Variants in NHEJ1 observed in about 807,000 individuals in gnomAD.
NHEJ1 encodes the protein non-homologous end joining factor 1, also known as non-homologous end-joining factor 1.
A neutral mutation model predicts 39.4 loss-of-function variants in NHEJ1; 22 were observed. The observed-to-expected ratio is 0.56, with a 90% CI of 0.40 to 0.80. The LOEUF (loss-of-function observed/expected upper bound fraction) is 0.80. Among genes scored for constraint, NHEJ1 ranks in the 30% least tolerant of loss-of-function variants. NHEJ1 has a pLI of 0.00. For synonymous variants in NHEJ1, 154 were observed against 135.6 expected (o/e 1.14, Z -0.94); for missense variants, 329 against 357.1 (o/e 0.92, Z 0.63).
intron 3 of NHEJ1, among the ~76,000 whole-genome samples, chr2:219,153,701 G>T (rs886073913): frequency 4.6e-5 from 6 of 130,572 alleles, no homozygotes; most frequent in Non-Finnish European, 1.0e-4. Context: ...AAGGGGGGGG[G>T]GGTGGAGAGA....
At chr2:219,144,414 A>G (rs1481810258) in intron 5 of NHEJ1, among the ~76,000 whole-genome samples, 3 of 152,134 alleles carry the variant, frequency 2.0e-5, no homozygotes, top group African/African-American at 2.4e-5. Flanking sequence ...TTACAATGTT[A>G]TAAGTGGTAA....
In NHEJ1 at chr2:219,077,369, A is replaced by T; in HGVS notation, c.707-5T>A. On this transcript the variant is annotated splice_region_variant and splice_polypyrimidine_tract_variant and intron_variant, in intron 6 of 7. Transcript: ENST00000356853. ...TGTTTGAGGTATGAGGATCTCCTGA[A>T]ATCAGAAAGATCAAGAGAAGATAGT... 6.3e-7 allele frequency: 1 copy of T among 1,596,252 alleles called. No individual in the cohort carries two copies.
intron 5 of NHEJ1, among the ~76,000 whole-genome samples, chr2:219,085,348 C>G (rs1312857279): frequency 6.6e-6 from 1 of 152,322 alleles, no homozygotes; most frequent in Non-Finnish European, 1.5e-5. Flanking sequence ...GATACGGGGT[C>G]TCTCTCTTTG....
intron 3 of NHEJ1, among the ~76,000 whole-genome samples, chr2:219,154,188 A>C (rs1247733153): frequency 6.6e-6 from 1 of 152,196 alleles, no homozygotes; most frequent in Non-Finnish European, 1.5e-5. Flanking sequence ...CATCAAGTGA[A>C]GCAGTGGGTA....
rs1439164243 is a variant in NHEJ1, at chr2:219,074,992, G to C, written c.*1389C>G. On this transcript the variant is annotated 3_prime_UTR_variant, in exon 8 of 8. Coordinates refer to ENST00000356853, the MANE Select transcript of NHEJ1 (RefSeq NM_024782.3). The stretch of plus-strand genomic sequence containing the variant: ...AGCTCCTTCCTTGAAGAGCCCCTGG[G>C]GAGCAGACATCCTATTGAAAAGAGG... Among the ~76,000 whole-genome samples, 2 of 152,174 alleles carry C rather than the reference G, an allele frequency of 1.3e-5. No homozygotes were observed. Among genetic ancestry groups the C allele is most frequent in the African/African-American group, 4.8e-5 (2 of 41,436 alleles).
At chr2:219,091,742 T>C (rs1246787225) in intron 5 of NHEJ1, among the ~76,000 whole-genome samples, 3 of 152,186 alleles carry the variant, frequency 2.0e-5, no homozygotes, top group Non-Finnish European at 4.4e-5. Context: ...GACTGGGAGA[T>C]AACAAAATTC....
At chr2:219,089,431 C>T (rs1390126042) in intron 5 of NHEJ1, among the ~76,000 whole-genome samples, 1 of 152,248 alleles carries the variant, frequency 6.6e-6, no homozygotes, top group Admixed American at 6.5e-5. Flanking sequence ...TACTGATATT[C>T]GCTTTAATAC....
Position 219,073,548 on chromosome 2 carries a change from C to A in NHEJ1, c.*2833G>T, listed in dbSNP as rs4547519. 6.6e-6 allele frequency among the ~76,000 whole-genome samples: 1 copy of A among 152,070 alleles called. No homozygotes were observed. The highest frequency in any genetic ancestry group is 2.4e-5 in the African/African-American group (1 of 41,422). On this transcript the variant is annotated 3_prime_UTR_variant, in exon 8 of 8. Coordinates refer to ENST00000356853, the MANE Select transcript of NHEJ1 (RefSeq NM_024782.3). ...TCCTAGCTAACTATGGGGGACCAGC[C>A]GGCAAGGCCAAGTAGGCCTTGCAAT...
chr2:219,101,892 A>AT (rs1171850287), intron 5 of NHEJ1, among the ~76,000 whole-genome samples: 1 of 150,902 alleles, frequency 6.6e-6, no homozygotes, highest in Non-Finnish European at 1.5e-5. Context: ...CGTCCAGCTA[A>AT]TTTTTTGTAT....
At chr2:219,129,937 C>T (rs1949561949) in intron 5 of NHEJ1, among the ~76,000 whole-genome samples, 1 of 151,220 alleles carries the variant, frequency 6.6e-6, no homozygotes, top group Non-Finnish European at 1.5e-5. Context: ...ATCTCTTTTT[C>T]CCTTTTCCCC....
chr2:219,123,757 T>C (rs925357570), intron 5 of NHEJ1, among the ~76,000 whole-genome samples: 58 of 152,062 alleles, frequency 3.8e-4, no homozygotes, highest in Non-Finnish European at 7.4e-5. Flanking sequence ...CCTGAAAAGC[T>C]GATCCGACCC....
At chr2:219,145,799 G>A (rs1949733699) in intron 5 of NHEJ1, among the ~76,000 whole-genome samples, 2 of 152,064 alleles carry the variant, frequency 1.3e-5, no homozygotes, top group South Asian at 4.1e-4. Context: ...GGGTGTGGTG[G>A]CACATGCCTG....
intron 5 of NHEJ1, among the ~76,000 whole-genome samples, chr2:219,126,061 T>C (rs1454662361): frequency 6.6e-6 from 1 of 152,254 alleles, no homozygotes; most frequent in Non-Finnish European, 1.5e-5. Flanking sequence ...ATTTCCATGT[T>C]TCATGGTCCT....
chr2:219,128,179 G>A (rs1429244008), intron 5 of NHEJ1, among the ~76,000 whole-genome samples: 1 of 152,226 alleles, frequency 6.6e-6, no homozygotes, highest in African/African-American at 2.4e-5. Context: ...CCATGATGCG[G>A]TAAGTATAGA....
intron 5 of NHEJ1, among the ~76,000 whole-genome samples, chr2:219,128,943 C>T (rs929134586): frequency 3.3e-5 from 5 of 152,194 alleles, no homozygotes; most frequent in African/African-American, 4.8e-5. Flanking sequence ...TACTTTCTAT[C>T]CCCCATATGG....
In NHEJ1 at chr2:219,111,678, G is replaced by A. The variant is rs1027408581; in HGVS notation, c.589-33472C>T. Among the ~76,000 whole-genome samples, 3 of 132,036 alleles carry A rather than the reference G, an allele frequency of 2.3e-5. No individual in the cohort carries two copies. Among genetic ancestry groups the A allele is most frequent in the African/African-American group, 8.3e-5 (3 of 36,026 alleles). 86.6% of individuals were successfully genotyped at this position (132,036 alleles called of 152,430 possible). ...ACACACACACAGAGAGATACATACA[G>A]TCAGTGGGAAAGAAGGGGAAAGGAA... On this transcript the variant is annotated intron_variant, in intron 5 of 7. Coordinates refer to ENST00000356853, the MANE Select transcript of NHEJ1 (RefSeq NM_024782.3). This position sits in a 1 kb window ranked among gnomAD's most constrained non-coding sequence, Gnocchi z 4.1.
At chr2:219,080,308 G>A (rs975915661) in intron 5 of NHEJ1, among the ~76,000 whole-genome samples, 4 of 151,996 alleles carry the variant, frequency 2.6e-5, no homozygotes, top group Middle Eastern at 3.4e-3. Context: ...AGGCCGAGGC[G>A]GGCGGATCAC....
chr2:219,128,188 G>A (rs933338197), intron 5 of NHEJ1, among the ~76,000 whole-genome samples: 1 of 152,212 alleles, frequency 6.6e-6, no homozygotes, highest in Non-Finnish European at 1.5e-5. Context: ...GGTAAGTATA[G>A]AAATTGAGTG....
At chr2:219,123,609 C>T (rs1949490738) in intron 5 of NHEJ1, among the ~76,000 whole-genome samples, 1 of 152,162 alleles carries the variant, frequency 6.6e-6, no homozygotes, top group Admixed American at 6.5e-5. Context: ...TTAAGTAACC[C>T]CATGCAGTGG....
Sources: gnomAD v4.1 joint callset for allele counts (sites outside exome capture counted in the v4.1 genomes callset) on GRCh38, gnomAD v4.1.1 for gene constraint, Gnocchi (gnomAD v3.1) non-coding constraint, MANE v1.5 for transcripts, NCBI Gene and HGNC (gene_info 2026-07-23, HGNC 2026-07-21) for gene names.